PTPRM: variants seen among roughly 807,000 people sequenced by gnomAD.
The protein encoded by PTPRM is protein tyrosine phosphatase receptor type M.
A neutral mutation model predicts 186.7 loss-of-function variants in PTPRM; 47 were observed. The ratio of observed to expected loss-of-function variants is 0.25; its 90% CI spans 0.20 to 0.32. PTPRM has a LOEUF of 0.32. Among genes scored for constraint, PTPRM ranks in the 10% least tolerant of loss-of-function variants. PTPRM has a pLI of 1.00. For missense variants in PTPRM, 1,494 were observed against 1,865.0 expected, an observed-to-expected ratio of 0.80 and a Z score of 3.66; for synonymous variants, 668 against 674.9, an observed-to-expected ratio of 0.99 and a Z score of 0.16.
At chr18:8,376,685 C>A (rs527740716) in intron 26 of PTPRM, 88 bp downstream of exon 26, 37 of 1,428,016 alleles carry the variant, frequency 2.6e-5, no homozygotes, top group Non-Finnish European at 3.5e-5. Context: ...CACAAGGAAT[C>A]CAGGCAATTA....
At chr18:8,227,960 TG>T (rs1229171828) in intron 14 of PTPRM, among the ~76,000 whole-genome samples, 1 of 152,222 alleles carries the variant, frequency 6.6e-6, no homozygotes, top group African/African-American at 2.4e-5. Flanking sequence ...TTCATATTGC[TG>T]TGATGTGAGA....
chr18:7,869,803 A>G (rs9946492), intron 2 of PTPRM, among the ~76,000 whole-genome samples: 12,147 of 152,188 alleles, frequency 0.08, 612 homozygotes, highest in African/African-American at 0.15. Flanking sequence ...AGTAATTATT[A>G]GATGCTTTCT....
intron 7 of PTPRM, among the ~76,000 whole-genome samples, chr18:7,969,466 A>G (rs546059844): frequency 6.8e-6 from 1 of 146,366 alleles, no homozygotes; most frequent in African/African-American, 2.6e-5. Context: ...TCAGAGCAGA[A>G]CTGAAGGAAA....
intron 20 of PTPRM, among the ~76,000 whole-genome samples, chr18:8,312,088 C>A (rs905330851): frequency 1.3e-5 from 2 of 152,156 alleles, no homozygotes; most frequent in African/African-American, 4.8e-5. Context: ...GGAAGGTGAA[C>A]CTGACCTCCC....
chr18:8,253,289 C>G lies in PTPRM; in HGVS notation c.2629C>G (p.Arg877Gly). 6.3e-7 allele frequency: 1 copy of G among 1,595,670 alleles called. No individual in the cohort carries two copies. Among genetic ancestry groups the G allele is most frequent in the Non-Finnish European group, 8.5e-7 (1 of 1,171,088 alleles). Residue 877 changes from arginine (R) to glycine (G), a missense_variant, in exon 19 of 33, where the codon CGA becomes GGA. Arg to Gly is a moderately radical substitution (Grantham distance 125, BLOSUM62 -2). This residue lies in a region of PTPRM where 1,107 missense variants were observed against 1,350.2 expected (regional missense o/e 0.82). Transcript: ENST00000580170. ...GGTGCAGTCCCATACTTACAAGAAG[C>G]GAGAGCCGGCCGACGTGCCCTATCA... ...SLVQSHTYKK[R>G]EPADVPYQTG...
At chr18:7,618,184 A>G (rs1307414548) in intron 1 of PTPRM, among the ~76,000 whole-genome samples, 1 of 152,198 alleles carries the variant, frequency 6.6e-6, no homozygotes, top group Admixed American at 6.5e-5. Flanking sequence ...ACTTTTCTGG[A>G]AGTGGTTACT....
At chr18:7,692,703 G>A (rs1876845982) in intron 1 of PTPRM, among the ~76,000 whole-genome samples, 1 of 152,120 alleles carries the variant, frequency 6.6e-6, no homozygotes, top group Non-Finnish European at 1.5e-5. Flanking sequence ...ATCTTCCTCT[G>A]TTTTCACTGG....
At chr18:8,339,325 A>G (rs2095460036) in intron 22 of PTPRM, among the ~76,000 whole-genome samples, 1 of 152,028 alleles carries the variant, frequency 6.6e-6, no homozygotes, top group Non-Finnish European at 1.5e-5. Flanking sequence ...CTGATATTAT[A>G]GAAATTTCTA....
intron 13 of PTPRM, among the ~76,000 whole-genome samples, chr18:8,130,459 T>A (rs1186934227): frequency 6.6e-6 from 1 of 152,198 alleles, no homozygotes; most frequent in Non-Finnish European, 1.5e-5. Context: ...AATTGATGTA[T>A]TGTGGAATGA....
At chr18:8,291,834 T>C (rs1399152641) in intron 19 of PTPRM, among the ~76,000 whole-genome samples, 4 of 150,418 alleles carry the variant, frequency 2.7e-5, no homozygotes, top group Non-Finnish European at 5.9e-5. Context: ...TTAGTGATTA[T>C]GCCCATCTCA....
Position 7,567,966 on chromosome 18 carries a change from G to A in PTPRM, c.73+75G>A. 4 of 1,423,848 alleles carry A rather than the reference G, an allele frequency of 2.8e-6. No homozygotes were observed. The East Asian group carries it at 8.9e-5, about 32-fold the overall frequency. The allele number at this position is 1,423,848 out of a possible 1,614,324, so 88.2% of individuals were successfully genotyped here. The stretch of plus-strand genomic sequence containing the variant: ...ACGCCCGGGACGCCGACAGCTCCCT[G>A]GTGGTAGAGCCCTAAGGCTGGCGTC... On this transcript the variant is annotated intron_variant, in intron 1 of 32. Coordinates refer to ENST00000580170, the MANE Select transcript of PTPRM (RefSeq NM_001105244.2). This position sits in a 1 kb window ranked among gnomAD's most constrained non-coding sequence, Gnocchi z 4.3.
rs76484075 is a variant in PTPRM at position 8,326,515 on chromosome 18, C to T, written c.2956+7301C>T. Among the ~76,000 whole-genome samples, 46 of 152,314 alleles carry T rather than the reference C, an allele frequency of 3.0e-4. 1 individual carries two copies. The highest frequency in any genetic ancestry group is 1.1e-3 in the African/African-American group (46 of 41,572). On this transcript the variant is annotated intron_variant, in intron 22 of 32. Transcript: ENST00000580170. Reference sequence around the variant, plus strand: ...AAAAAGAACAAAGCTGGAGGCATCACTTTATGTGACTTGAAACTGTACTAC... The same window carrying T: ...AAAAAGAACAAAGCTGGAGGCATCATTTTATGTGACTTGAAACTGTACTAC...
chr18:7,994,594 A>G (rs945730880), intron 7 of PTPRM, among the ~76,000 whole-genome samples: 2 of 152,202 alleles, frequency 1.3e-5, no homozygotes, highest in African/African-American at 4.8e-5. Flanking sequence ...ACATACTTCC[A>G]TAAATATAAA....
At chr18:8,172,391 G>A (rs900242445) in intron 14 of PTPRM, among the ~76,000 whole-genome samples, 2 of 150,610 alleles carry the variant, frequency 1.3e-5, no homozygotes, top group South Asian at 2.1e-4. Context: ...TGTCTTCAAT[G>A]TACTGGGAAA....
At chr18:7,663,427 G>T (rs1399848954) in intron 1 of PTPRM, among the ~76,000 whole-genome samples, 1 of 152,174 alleles carries the variant, frequency 6.6e-6, no homozygotes, top group Non-Finnish European at 1.5e-5. Flanking sequence ...CTGCCTTCAT[G>T]GAGCTTCAGT....
intron 22 of PTPRM, among the ~76,000 whole-genome samples, chr18:8,323,650 T>C (rs1392664959): frequency 6.6e-6 from 1 of 152,140 alleles, no homozygotes; most frequent in Non-Finnish European, 1.5e-5. Context: ...GCCTTCATCT[T>C]GCCATATATA....
In PTPRM at chr18:7,888,140, T is replaced by C. The variant is rs760708946; in HGVS notation, c.231T>C (p.Pro77=). Reference sequence around the variant, plus strand: ...TGCTGGTGAATGCCTCTGGGAGACCTGAGGGGCAGAGAGCCCACCTGCTCT... The same window carrying C: ...TGCTGGTGAATGCCTCTGGGAGACCCGAGGGGCAGAGAGCCCACCTGCTCT... The part of the protein sequence containing the change: ...SFMLVNASGR[P]EGQRAHLLLP... Residue 77 remains proline (P), a synonymous_variant, in exon 3 of 33, where the codon CCT becomes CCC. Transcript: ENST00000580170. 1.9e-6 allele frequency: 3 copies of C among 1,614,156 alleles called. No homozygotes were observed. The South Asian group carries it at 3.3e-5, about 18-fold the overall frequency.
chr18:7,974,768 T>A (rs1246078930), intron 7 of PTPRM, among the ~76,000 whole-genome samples: 2 of 152,226 alleles, frequency 1.3e-5, no homozygotes, highest in Non-Finnish European at 2.9e-5. Context: ...AGTTCCCCAG[T>A]CATAGAATGT....
intron 14 of PTPRM, among the ~76,000 whole-genome samples, chr18:8,198,628 G>A (rs533368182): frequency 2.6e-5 from 4 of 152,212 alleles, no homozygotes; most frequent in South Asian, 2.1e-4. Context: ...TCTGTATTGC[G>A]GAGAGGATCT....
Sources: gnomAD v4.1 joint callset for allele counts (sites outside exome capture counted in the v4.1 genomes callset) on GRCh38, gnomAD v4.1.1 for gene constraint, gnomAD v4.1.1 regional missense constraint, Gnocchi (gnomAD v3.1) non-coding constraint, MANE v1.5 for transcripts, NCBI Gene and HGNC (gene_info 2026-07-23, HGNC 2026-07-21) for gene names.